MAST4: variants seen among roughly 807,000 people sequenced by gnomAD.
The protein encoded by MAST4 is microtubule associated serine/threonine kinase family member 4.
A neutral mutation model predicts 162.7 loss-of-function variants in MAST4; 89 were observed. The ratio of observed to expected loss-of-function variants is 0.55; its 90% CI spans 0.46 to 0.65. MAST4 has a LOEUF of 0.65. Among genes scored for constraint, MAST4 ranks in the 30% least tolerant of loss-of-function variants. The pLI, the probability that MAST4 is intolerant of heterozygous loss-of-function variation, is 0.00. For missense variants in MAST4, 3,153 were observed against 3,374.0 expected (o/e 0.93, Z 1.62); for synonymous variants, 1,479 against 1,361.1 (o/e 1.09, Z -1.91).
chr5:66,658,671 G>A (rs1561243242), intron 1 of MAST4, among the ~76,000 whole-genome samples: 1 of 152,146 alleles, frequency 6.6e-6, no homozygotes, highest in Non-Finnish European at 1.5e-5. Flanking sequence ...TCCTTCATTA[G>A]TGACGTTTGC....
At chr5:67,044,364 T>C (rs1757118651) in intron 4 of MAST4, among the ~76,000 whole-genome samples, 2 of 152,160 alleles carry the variant, frequency 1.3e-5, no homozygotes, top group African/African-American at 4.8e-5. Flanking sequence ...GCAGACTAGG[T>C]CTCTCCTATG....
At chr5:66,810,133 C>G (rs987235463) in intron 3 of MAST4, among the ~76,000 whole-genome samples, 1 of 152,144 alleles carries the variant, frequency 6.6e-6, no homozygotes, top group Non-Finnish European at 1.5e-5. Context: ...TGTGAGAATG[C>G]TTGGCACACC....
intron 3 of MAST4, among the ~76,000 whole-genome samples, chr5:66,883,039 A>G (rs1561411554): frequency 1.3e-5 from 2 of 152,242 alleles, no homozygotes; most frequent in Non-Finnish European, 2.9e-5. Flanking sequence ...TAAAAATCAT[A>G]GTTTAAAAAA....
chr5:66,883,427 T>G (rs1382582272), intron 3 of MAST4, among the ~76,000 whole-genome samples: 2 of 105,550 alleles, frequency 1.9e-5, no homozygotes, highest in East Asian at 4.2e-4. Flanking sequence ...TCACTGTTTT[T>G]TTTTTTTTTT....
chr5:67,100,704 A>G, intron 8 of MAST4, 112 bp downstream of exon 8: 2 of 1,228,612 alleles, frequency 1.6e-6, no homozygotes, highest in Non-Finnish European at 2.3e-6. Flanking sequence ...CTTGCAAACT[A>G]TTACAAATAT....
Position 66,601,780 on chromosome 5 carries a change from T to G in MAST4, c.363+4762T>G, listed in dbSNP as rs1232209494. 7.9e-5 allele frequency among the ~76,000 whole-genome samples: 12 copies of G among 152,242 alleles called. No homozygotes were observed. The South Asian group carries it at 2.5e-3, about 32-fold the overall frequency. On this transcript the variant is annotated intron_variant, in intron 1 of 28. Coordinates refer to ENST00000403625, the MANE Select transcript of MAST4 (RefSeq NM_001164664.2). ...TGTCTGGACTTTATTCTAGAGGCAA[T>G]GGGAGCCATTGAAGGATTTGAAGCA... is the stretch of plus-strand genomic sequence containing the variant.
At chr5:66,719,593 C>T (rs1171403146) in intron 1 of MAST4, among the ~76,000 whole-genome samples, 1 of 151,932 alleles carries the variant, frequency 6.6e-6, no homozygotes, top group African/African-American at 2.4e-5. Context: ...ATGTGCTGAA[C>T]GTGCAGGTTC....
chr5:66,643,389 TGTCTTCTATTTAAACATTTTTGGTTTTCA>T (rs1745613282), intron 1 of MAST4, among the ~76,000 whole-genome samples: 2 of 152,210 alleles, frequency 1.3e-5, no homozygotes, highest in African/African-American at 4.8e-5. Flanking sequence ...TGCCCACATT[TGTCTTCTATTTAAACATTTTTGGTTTTCA>T]GCATTACTGT....
intron 4 of MAST4, among the ~76,000 whole-genome samples, chr5:66,911,939 G>A (rs1029979020): frequency 6.6e-6 from 1 of 152,080 alleles, no homozygotes; most frequent in African/African-American, 2.4e-5. Flanking sequence ...TTAACCTTTT[G>A]GTAACTTTAG....
intron 5 of MAST4, among the ~76,000 whole-genome samples, chr5:67,065,674 A>G (rs1275825458): frequency 2.6e-5 from 4 of 152,244 alleles, no homozygotes; most frequent in Non-Finnish European, 5.9e-5. Context: ...ATATATGCTA[A>G]AAAGCATTTT....
intron 1 of MAST4, among the ~76,000 whole-genome samples, chr5:66,687,512 A>G (rs921798813): frequency 7.9e-5 from 12 of 151,648 alleles, no homozygotes; most frequent in Admixed American, 7.9e-4. Flanking sequence ...ATGTATACAT[A>G]GATGTGTGTG....
At chr5:66,698,025 A>C (rs1455611027) in intron 1 of MAST4, among the ~76,000 whole-genome samples, 1 of 150,818 alleles carries the variant, frequency 6.6e-6, no homozygotes, top group Non-Finnish European at 1.5e-5. Context: ...TGTGTACTTC[A>C]TTTCTCCTTG....
At chr5:66,939,063 G>T (rs1343168023) in intron 4 of MAST4, among the ~76,000 whole-genome samples, 1 of 152,050 alleles carries the variant, frequency 6.6e-6, no homozygotes, top group Non-Finnish European at 1.5e-5. Flanking sequence ...TCCAGAGATT[G>T]GAGTTAGAAC....
chr5:67,142,120 G>C lies in MAST4; in HGVS notation c.2500G>C (p.Ala834Pro). Reference protein sequence around the residue: ...NPLERLGTGGAYEVKQHRFFR... With the variant: ...NPLERLGTGGPYEVKQHRFFR... The stretch of plus-strand genomic sequence containing the variant: ...CTCTACCTGCCCCCTTCCAGGTGGT[G>C]CATATGAAGTCAAACAGCATCGATT... Residue 834 changes from alanine to proline, a missense_variant, in exon 20 of 29, where the codon GCA becomes CCA. Ala to Pro is a conservative substitution (Grantham distance 27). This residue lies in a region of MAST4 where 62 missense variants were observed against 63.1 expected (regional missense o/e 0.98). Coordinates refer to ENST00000403625, the MANE Select transcript of MAST4 (RefSeq NM_001164664.2). 1 of 1,613,758 alleles carries C rather than the reference G, an allele frequency of 6.2e-7. No homozygotes were observed. Among genetic ancestry groups the C allele is most frequent in the Non-Finnish European group, 8.5e-7 (1 of 1,179,700 alleles).
At chr5:66,710,010 A>G (rs1750394535) in intron 1 of MAST4, among the ~76,000 whole-genome samples, 1 of 152,214 alleles carries the variant, frequency 6.6e-6, no homozygotes, top group African/African-American at 2.4e-5. Context: ...TGACTTTCAC[A>G]GTAAAAGGAG....
chr5:66,693,646 A>G (rs1317516338), intron 1 of MAST4, among the ~76,000 whole-genome samples: 1 of 152,174 alleles, frequency 6.6e-6, no homozygotes, highest in East Asian at 1.9e-4. Flanking sequence ...GATGCCATCA[A>G]ATCTCTTAAG....
At chr5:66,935,054 A>C (rs910929823) in intron 4 of MAST4, among the ~76,000 whole-genome samples, 2 of 152,182 alleles carry the variant, frequency 1.3e-5, no homozygotes, top group East Asian at 3.8e-4. Flanking sequence ...TAAAATGGGA[A>C]TTGTGGAAAT....
chr5:67,151,236 G>A (rs1338104582), intron 24 of MAST4, among the ~76,000 whole-genome samples: 2 of 152,218 alleles, frequency 1.3e-5, no homozygotes, highest in Non-Finnish European at 2.9e-5. Flanking sequence ...ATAAATAACA[G>A]AATTTGTTGA....
At position 67,164,602 on chromosome 5, in the gene MAST4, C is replaced by T; in HGVS notation, c.5423C>T (p.Ala1808Val). ...LKPIEGTLDI[A>V]LLSGPQASKT... ...CCGATCGAGGGCACTCTGGACATTG[C>T]TCTCCTGTCCGGACCTCAGGCCTCC... Residue 1808 changes from alanine (A) to valine (V), a missense_variant, in exon 29 of 29, where the codon GCT becomes GTT. Coordinates refer to ENST00000403625, the MANE Select transcript of MAST4 (RefSeq NM_001164664.2). The surrounding 1 kb of genome is among the most constrained non-coding windows in gnomAD (Gnocchi z 5.3). The T allele has an allele frequency of 6.2e-7, 1 of 1,614,002 alleles. No individual in the cohort carries two copies. The highest frequency in any genetic ancestry group is 8.5e-7 in the Non-Finnish European group (1 of 1,179,892).
Sources: gnomAD v4.1 joint callset for allele counts (sites outside exome capture counted in the v4.1 genomes callset) on GRCh38, gnomAD v4.1.1 for gene constraint, gnomAD v4.1.1 regional missense constraint, Gnocchi (gnomAD v3.1) non-coding constraint, MANE v1.5 for transcripts, NCBI Gene and HGNC (gene_info 2026-07-23, HGNC 2026-07-21) for gene names.